Variants in DDHD1 observed in about 807,000 individuals in gnomAD.
DDHD1 encodes phospholipase DDHD1.
A neutral mutation model predicts 96.4 loss-of-function variants in DDHD1; 49 were observed. The ratio of observed to expected loss-of-function variants is 0.51; its 90% confidence interval spans 0.40 to 0.64. DDHD1 has a LOEUF of 0.64. Ranked by LOEUF, DDHD1 falls within the 30% of genes least tolerant of loss-of-function variation. DDHD1 has a pLI of 0.00. For synonymous variants in DDHD1, 442 were observed against 446.5 expected (o/e 0.99, Z 0.13); for missense variants, 1,106 against 1,161.2 (o/e 0.95, Z 0.69).
chr14:53,061,418 C>T (rs1883543882), intron 7 of DDHD1: 2 of 409,204 alleles, frequency 4.9e-6, no homozygotes, highest in Non-Finnish European at 8.5e-6. Flanking sequence ...TGTCATGATA[C>T]CTGCTGTTAA....
intron 4 of DDHD1, among the ~76,000 whole-genome samples, chr14:53,091,113 A>T (rs951177467): frequency 6.6e-6 from 1 of 152,146 alleles, no homozygotes; most frequent in Non-Finnish European, 1.5e-5. Flanking sequence ...TCTATAACTG[A>T]TTATATTTTT....
At chr14:53,123,115 GTTATTATTA>G (rs139846735) in intron 1 of DDHD1, among the ~76,000 whole-genome samples, 18,570 of 138,272 alleles carry the variant, frequency 0.13, 1,410 homozygotes, top group East Asian at 0.29. Context: ...GATAATTGCT[GTTATTATTA>G]TTATTATTAT....
chr14:53,074,840 G>C (rs1301805745), intron 4 of DDHD1, among the ~76,000 whole-genome samples: 1 of 152,076 alleles, frequency 6.6e-6, no homozygotes, highest in Non-Finnish European at 1.5e-5. Flanking sequence ...CATGGAGCAA[G>C]TCTATTAGTG....
At chr14:53,088,417 C>T (rs1886158289) in intron 4 of DDHD1, among the ~76,000 whole-genome samples, 1 of 152,144 alleles carries the variant, frequency 6.6e-6, no homozygotes, top group Non-Finnish European at 1.5e-5. Flanking sequence ...TGCAAAAATC[C>T]TCAATAAAAT....
rs1219381869 is a variant in DDHD1 at position 53,152,563 on chromosome 14, C to G, written c.536G>C (p.Trp179Ser). The G allele has an allele frequency of 2.5e-6, 4 of 1,613,930 alleles. No individual in the cohort carries two copies. The highest frequency in any genetic ancestry group is 3.4e-6 in the Non-Finnish European group (4 of 1,179,954). Residue 179 changes from tryptophan to serine, a missense_variant, in exon 1 of 13, where the codon TGG becomes TCG. Physicochemically the swap from Trp to Ser is radical, Grantham distance 177. This residue lies in a region of DDHD1 where 456 missense variants were observed against 402.4 expected (regional missense o/e 1.13). Transcript: ENST00000673822. The part of the protein sequence containing the change: ...RWFYKEDKKT[W>S]KPFIGYDSLR... ...CGAGTCGTAGCCGATGAAGGGCTTC[C>G]AGGTCTTCTTGTCCTCCTTGTAGAA...
At chr14:53,069,261 T>C (rs1034091694) in intron 6 of DDHD1, among the ~76,000 whole-genome samples, 1 of 152,152 alleles carries the variant, frequency 6.6e-6, no homozygotes, top group Non-Finnish European at 1.5e-5. Flanking sequence ...AAGATCTGGG[T>C]GCTAGGTGTG....
At chr14:53,085,228 G>A (rs1489137730) in intron 4 of DDHD1, among the ~76,000 whole-genome samples, 2 of 152,218 alleles carry the variant, frequency 1.3e-5, no homozygotes, top group Admixed American at 1.3e-4. Context: ...AGAACCTTCT[G>A]CAGGCTTAAA....
intron 8 of DDHD1, among the ~76,000 whole-genome samples, chr14:53,060,527 T>G (rs1470194640): frequency 2.0e-5 from 3 of 152,218 alleles, no homozygotes; most frequent in Non-Finnish European, 4.4e-5. Context: ...TCATATATTG[T>G]TCATCCATTG....
At chr14:53,106,464 G>T (rs1016731068) in intron 1 of DDHD1, among the ~76,000 whole-genome samples, 1 of 152,092 alleles carries the variant, frequency 6.6e-6, no homozygotes, top group Non-Finnish European at 1.5e-5. Flanking sequence ...TTCAAGACCA[G>T]CCTAGCCAAC....
At chr14:53,115,634 A>G (rs1032642876) in intron 1 of DDHD1, among the ~76,000 whole-genome samples, 11 of 152,190 alleles carry the variant, frequency 7.2e-5, no homozygotes, top group African/African-American at 2.7e-4. Context: ...ACTAAGCTTC[A>G]TAACCAAAGG....
At chr14:53,149,227 T>G (rs572594280) in intron 1 of DDHD1, among the ~76,000 whole-genome samples, 123 of 152,346 alleles carry the variant, frequency 8.1e-4, no homozygotes, top group African/African-American at 2.9e-3. Context: ...TTAGAATAGG[T>G]ATAGCTAACT....
chr14:53,111,850 A>G (rs1888131431), intron 1 of DDHD1, among the ~76,000 whole-genome samples: 1 of 152,206 alleles, frequency 6.6e-6, no homozygotes, highest in East Asian at 1.9e-4. Context: ...ATTGTGGATA[A>G]TTAAGATATT....
chr14:53,082,386 GA>G (rs918787069), intron 4 of DDHD1, among the ~76,000 whole-genome samples: 14 of 139,312 alleles, frequency 1.0e-4, no homozygotes, highest in Admixed American at 2.9e-4. Flanking sequence ...CATAAATATA[GA>G]AAAAAATAGA....
intron 1 of DDHD1, among the ~76,000 whole-genome samples, chr14:53,117,303 G>A (rs1888621218): frequency 6.6e-6 from 1 of 152,180 alleles, no homozygotes; most frequent in South Asian, 2.1e-4. Context: ...TGGACAGTGG[G>A]TGCAGCTCAC....
chr14:53,055,639 G>A, intron 10 of DDHD1, 21 bp downstream of exon 10: 1 of 1,610,358 alleles, frequency 6.2e-7, no homozygotes. Flanking sequence ...GCATAGATAA[G>A]GAATACATAA....
intron 4 of DDHD1, among the ~76,000 whole-genome samples, chr14:53,079,476 A>T (rs1390197042): frequency 1.3e-5 from 2 of 152,108 alleles, no homozygotes; most frequent in Admixed American, 6.5e-5. Flanking sequence ...TTGGAAAGTG[A>T]TTACTAAAAC....
At chr14:53,058,737 G>A (rs2139850782) in intron 8 of DDHD1, 111 bp from the exon 9 acceptor site, 2 of 979,598 alleles carry the variant, frequency 2.0e-6, no homozygotes, top group East Asian at 2.7e-5. Context: ...ATATCTTTGA[G>A]TATATTCGTT....
chr14:53,065,558 T>C (rs1014405177), intron 6 of DDHD1, among the ~76,000 whole-genome samples: 6 of 152,198 alleles, frequency 3.9e-5, no homozygotes, highest in African/African-American at 1.4e-4. Flanking sequence ...TTTAAACTGG[T>C]CCTCAGAAAG....
At position 53,055,915 on chromosome 14, in the gene DDHD1, TG is replaced by T. The variant is rs1374958291; in HGVS notation, c.1993-4del. ...ATTAATGGTTCTAATCTATAAGCCT[TG>T]ATTTAAAAAAAAAAATTCAAAGAAA... is the stretch of plus-strand genomic sequence containing the variant. On this transcript the variant is annotated splice_region_variant and splice_polypyrimidine_tract_variant and intron_variant, in intron 9 of 12. Transcript: ENST00000673822. The T allele has an allele frequency of 6.3e-7, 1 of 1,596,510 alleles. No homozygotes were observed. The highest frequency in any genetic ancestry group is 8.5e-7 in the Non-Finnish European group (1 of 1,172,262).
Sources: allele counts gnomAD v4.1 joint callset (sites outside exome capture counted in the v4.1 genomes callset), GRCh38; gene constraint gnomAD v4.1.1; regional missense constraint gnomAD v4.1.1; transcripts MANE v1.5; gene names NCBI Gene and HGNC (gene_info 2026-07-23, HGNC 2026-07-21).